The following RAI14 variants were observed in gnomAD, a reference collection of about 807,000 sequenced individuals.
RAI14 encodes the protein retinoic acid induced 14.
RAI14 carries 45 observed loss-of-function variants against 115.4 expected under a neutral mutation model. The observed-to-expected ratio is 0.39, with a 90% CI of 0.31 to 0.50. The LOEUF (loss-of-function observed/expected upper bound fraction) is 0.50. Among genes scored for constraint, RAI14 ranks in the 20% least tolerant of loss-of-function variants. The pLI, the probability that RAI14 is intolerant of heterozygous loss-of-function variation, is 0.85. For synonymous variants in RAI14, 371 were observed against 415.4 expected, an observed-to-expected ratio of 0.89 and a Z score of 1.30; for missense variants, 939 against 1,131.2, an observed-to-expected ratio of 0.83 and a Z score of 2.44.
intron 1 of RAI14, among the ~76,000 whole-genome samples, chr5:34,666,869 A>G (rs1490862786): frequency 6.6e-6 from 1 of 152,216 alleles, no homozygotes; most frequent in Non-Finnish European, 1.5e-5. Flanking sequence ...ATAATTGGGT[A>G]TTAGAAGATC....
At chr5:34,814,953 A>G (rs1756028921) in intron 12 of RAI14, among the ~76,000 whole-genome samples, 1 of 152,188 alleles carries the variant, frequency 6.6e-6, no homozygotes. Context: ...TTAAAAAAAA[A>G]AGAGACAAGA....
chr5:34,703,238 A>G (rs6859129), intron 2 of RAI14, among the ~76,000 whole-genome samples: 9,596 of 152,290 alleles, frequency 0.063, 1,009 homozygotes, highest in African/African-American at 0.22. Flanking sequence ...ATTACAACAT[A>G]TAAAAAATGC....
chr5:34,665,833 GC>G (rs1365695610), intron 1 of RAI14, among the ~76,000 whole-genome samples: 1 of 152,044 alleles, frequency 6.6e-6, no homozygotes, highest in Non-Finnish European at 1.5e-5. Flanking sequence ...CCACCCCACT[GC>G]CACCCACAGT....
chr5:34,748,145 G>A lies in RAI14; in HGVS notation c.37-9323G>A, dbSNP rs59854169. Among the ~76,000 whole-genome samples, 232 of 152,252 alleles carry A rather than the reference G, an allele frequency of 1.5e-3. 1 individual carries two copies. The highest frequency in any genetic ancestry group is 5.1e-3 in the African/African-American group (212 of 41,534). On this transcript the variant is annotated intron_variant, in intron 2 of 17. Transcript: ENST00000265109. ...GTATTATGTACACGCCACAGCACTCGGCAGTTATGTAGAAAAGACCTCAGG... is the reference window on the plus strand; with the variant it reads ...GTATTATGTACACGCCACAGCACTCAGCAGTTATGTAGAAAAGACCTCAGG...
At chr5:34,727,675 G>A (rs1036505172) in intron 2 of RAI14, among the ~76,000 whole-genome samples, 7 of 152,156 alleles carry the variant, frequency 4.6e-5, no homozygotes, top group African/African-American at 2.4e-5. Context: ...GGCTTCAGAG[G>A]GTGCAAGCCT....
intron 2 of RAI14, among the ~76,000 whole-genome samples, chr5:34,699,779 G>A (rs868518087): frequency 3.3e-5 from 5 of 152,176 alleles, no homozygotes; most frequent in South Asian, 2.1e-4. Flanking sequence ...TGGTGCACAC[G>A]GGTGTTTGCT....
chr5:34,813,565 A>T lies in RAI14; in HGVS notation c.766-9A>T. ...CCACCTCCATTCTTTGGACTGTGAT[A>T]ACTTTCAGCATGACCAAGTCTCTAA... On this transcript the variant is annotated splice_polypyrimidine_tract_variant and intron_variant, in intron 10 of 17. Coordinates refer to ENST00000265109, the MANE Select transcript of RAI14 (RefSeq NM_015577.3). 6 of 1,607,468 alleles carry T rather than the reference A, an allele frequency of 3.7e-6. No homozygotes were observed. The highest frequency in any genetic ancestry group is 5.1e-6 in the Non-Finnish European group (6 of 1,175,004).
chr5:34,677,482 T>A (rs1744073752), intron 1 of RAI14, among the ~76,000 whole-genome samples: 1 of 150,788 alleles, frequency 6.6e-6, no homozygotes, highest in African/African-American at 2.4e-5. Context: ...GGTCTCACTC[T>A]GTCTCCCAGG....
intron 4 of RAI14, 75 bp downstream of exon 4, chr5:34,796,102 T>C (rs1316609335): frequency 4.6e-5 from 58 of 1,270,160 alleles, no homozygotes; most frequent in Non-Finnish European, 6.3e-5. Flanking sequence ...ATATTCATTA[T>C]GGAAAATTTA....
At chr5:34,737,888 G>A (rs1745061898) in intron 2 of RAI14, among the ~76,000 whole-genome samples, 1 of 152,188 alleles carries the variant, frequency 6.6e-6, no homozygotes, top group African/African-American at 2.4e-5. Context: ...GCAGTGTCAT[G>A]GACATATTTT....
intron 3 of RAI14, among the ~76,000 whole-genome samples, chr5:34,792,425 G>A (rs571986885): frequency 1.8e-3 from 267 of 151,930 alleles, no homozygotes; most frequent in African/African-American, 5.3e-3. Context: ...TAGTACAGAC[G>A]GGGTTTCACT....
intron 1 of RAI14, among the ~76,000 whole-genome samples, chr5:34,683,766 CG>C (rs1744566910): frequency 6.6e-6 from 1 of 151,188 alleles, no homozygotes; most frequent in African/African-American, 2.4e-5. Context: ...CTCACTCTGT[CG>C]CCCAGGGTGG....
chr5:34,775,407 A>G (rs563927750), intron 3 of RAI14, among the ~76,000 whole-genome samples: 5 of 152,316 alleles, frequency 3.3e-5, no homozygotes, highest in South Asian at 4.1e-4. Context: ...AAACAATTCT[A>G]TAGGGAAAAA....
intron 15 of RAI14, among the ~76,000 whole-genome samples, chr5:34,825,429 C>T (rs1344119089): frequency 6.6e-6 from 1 of 152,174 alleles, no homozygotes; most frequent in African/African-American, 2.4e-5. Flanking sequence ...TTGTGATCCA[C>T]CTCAAACTTC....
At chr5:34,738,865 A>G (rs978472833) in intron 2 of RAI14, among the ~76,000 whole-genome samples, 2 of 152,238 alleles carry the variant, frequency 1.3e-5, no homozygotes, top group African/African-American at 4.8e-5. Context: ...TTGATGGGAC[A>G]TCGATACATT....
intron 4 of RAI14, among the ~76,000 whole-genome samples, chr5:34,796,592 A>G (rs2150210172): frequency 6.6e-6 from 1 of 152,248 alleles, no homozygotes; most frequent in African/African-American, 2.4e-5. Flanking sequence ...TTCTAAGATT[A>G]TATGTACAGA....
intron 4 of RAI14, among the ~76,000 whole-genome samples, chr5:34,802,782 G>T (rs1215181467): frequency 6.6e-6 from 1 of 152,166 alleles, no homozygotes; most frequent in African/African-American, 2.4e-5. Context: ...AGCAGGGAGT[G>T]GGGGTAAAAG....
chr5:34,808,774 C>A, intron 7 of RAI14, 120 bp downstream of exon 7: 1 of 942,000 alleles, frequency 1.1e-6, no homozygotes, highest in Non-Finnish European at 1.6e-6. Flanking sequence ...GCATCAGGGG[C>A]TGATTTTGAG....
chr5:34,695,112 CTGGTCCT>C (rs1411361749), intron 2 of RAI14, among the ~76,000 whole-genome samples: 1 of 152,084 alleles, frequency 6.6e-6, no homozygotes, highest in Non-Finnish European at 1.5e-5. Context: ...GTTGCCCAGG[CTGGTCCT>C]GAACTCCTGA....
Sources: gnomAD v4.1 joint callset for allele counts (sites outside exome capture counted in the v4.1 genomes callset) on GRCh38, gnomAD v4.1.1 for gene constraint, MANE v1.5 for transcripts, NCBI Gene and HGNC (gene_info 2026-07-23, HGNC 2026-07-21) for gene names.